AFAP1L2: variants seen among roughly 807,000 people sequenced by gnomAD.
The protein encoded by AFAP1L2 is actin filament associated protein 1 like 2.
A neutral mutation model predicts 99.3 loss-of-function variants in AFAP1L2; 46 were observed. The observed-to-expected ratio is 0.46, with a 90% CI of 0.37 to 0.59. The LOEUF is 0.59. Ranked by LOEUF, AFAP1L2 falls within the 20% of genes least tolerant of loss-of-function variation. The pLI is 0.00. For synonymous variants in AFAP1L2, 397 were observed against 419.1 expected (o/e 0.95, Z 0.64); for missense variants, 959 against 1,034.9 (o/e 0.93, Z 1.01).
intron 1 of AFAP1L2, among the ~76,000 whole-genome samples, chr10:114,397,842 C>T (rs2057874234): frequency 6.6e-6 from 1 of 152,142 alleles, no homozygotes; most frequent in Non-Finnish European, 1.5e-5. Context: ...TACAAGCTCA[C>T]CACAGTCCAC....
chr10:114,296,934 G>C (rs1429759585), intron 18 of AFAP1L2, 44 bp downstream of exon 18: 1 of 1,613,562 alleles, frequency 6.2e-7, no homozygotes, highest in Admixed American at 1.7e-5. Flanking sequence ...CTACCTTAGT[G>C]ACATTTCTGC....
the AFAP1L2 span, chr10:114,289,585 A>T: frequency 2.1e-6 from 3 of 1,417,850 alleles, no homozygotes; most frequent in South Asian, 3.7e-5. Flanking sequence ...AGCTCTTCCC[A>T]GCTACTGAGC....
chr10:114,310,772 G>A (rs1734796113), intron 7 of AFAP1L2, among the ~76,000 whole-genome samples: 1 of 152,008 alleles, frequency 6.6e-6, no homozygotes. Flanking sequence ...CCCCTTTCCT[G>A]CCACCATTCC....
At chr10:114,292,011 C>T (rs1379889416), downstream of AFAP1L2, among the ~76,000 whole-genome samples, 2 of 152,132 alleles carry the variant, frequency 1.3e-5, no homozygotes, top group African/African-American at 4.8e-5. Flanking sequence ...GAGACTGTGG[C>T]TCATGCCTGT....
At position 114,368,964 on chromosome 10, in the gene AFAP1L2, A is replaced by G. The variant is rs538509323; in HGVS notation, c.17-28233T>C. Among the ~76,000 whole-genome samples, 26 of 149,838 alleles carry G rather than the reference A, an allele frequency of 1.7e-4. No homozygotes were observed. In the South Asian group the frequency reaches 5.0e-3, roughly 29 times the overall value. ...TTATGTCTCAATAAAGCTAGGGGGG[A>G]AAAGATTGCACCTGCCCTCAAGGAG... On this transcript the variant is annotated intron_variant, in intron 1 of 18. Transcript: ENST00000304129.
chr10:114,356,166 T>C (rs1419520267), intron 1 of AFAP1L2, among the ~76,000 whole-genome samples: 1 of 152,206 alleles, frequency 6.6e-6, no homozygotes, highest in African/African-American at 2.4e-5. Context: ...AAATTCAGTG[T>C]ATTTTGGAAC....
chr10:114,340,736 G>A lies in AFAP1L2; in HGVS notation c.17-5C>T, dbSNP rs768636790. 1.7e-5 allele frequency: 28 copies of A among 1,614,156 alleles called. No individual in the cohort carries two copies. In the East Asian group the frequency reaches 4.7e-4, roughly 27 times the overall value. ...CTGTCAGCAGCTGTTCCAGGGCTAGGGACAGGAAACAGAAGAAACTTATAG... is the reference window on the plus strand; with the variant it reads ...CTGTCAGCAGCTGTTCCAGGGCTAGAGACAGGAAACAGAAGAAACTTATAG... On this transcript the variant is annotated splice_polypyrimidine_tract_variant and splice_region_variant and intron_variant, in intron 1 of 18. Transcript: ENST00000304129.
At chr10:114,346,762 G>C (rs1295918228) in intron 1 of AFAP1L2, among the ~76,000 whole-genome samples, 3 of 152,202 alleles carry the variant, frequency 2.0e-5, no homozygotes, top group Admixed American at 2.0e-4. Context: ...TTAAAGTTCA[G>C]GGTTGTCTGC....
chr10:114,308,716 A>C (rs1159766037), intron 8 of AFAP1L2, among the ~76,000 whole-genome samples, 199 bp from the exon 9 acceptor site: 1 of 152,206 alleles, frequency 6.6e-6, no homozygotes, highest in Non-Finnish European at 1.5e-5. Flanking sequence ...GCTCAACCTG[A>C]TGTGACAGTG....
At chr10:114,372,157 C>T (rs1291215702) in intron 1 of AFAP1L2, among the ~76,000 whole-genome samples, 3 of 152,150 alleles carry the variant, frequency 2.0e-5, no homozygotes, top group Non-Finnish European at 1.5e-5. Flanking sequence ...TGCTCTAAAT[C>T]GTTTTGTGGA....
intron 18 of AFAP1L2, 112 bp from the exon 19 acceptor site, chr10:114,296,180 A>C (rs1016076398): frequency 3.5e-5 from 51 of 1,438,826 alleles, no homozygotes; most frequent in Non-Finnish European, 4.7e-5. Flanking sequence ...TATTTTAGGC[A>C]CAGAGGTGAT....
rs1416583797 is a variant in AFAP1L2, at chr10:114,301,610, A to G, written c.1431-145T>C. ...TGGGGGCTGACACTCACCTCCATGG[A>G]TCTGAGGGCACCTCCTCCCTCTTTT... On this transcript the variant is annotated intron_variant, in intron 12 of 18. Transcript: ENST00000304129. The G allele has an allele frequency of 4.8e-6, 3 of 619,544 alleles. No homozygotes were observed. In the African/African-American group the frequency reaches 5.5e-5, roughly 11 times the overall value. 38.4% of individuals were successfully genotyped at this position (619,544 alleles called of 1,614,324 possible). A position where few individuals can be genotyped will look rare whatever the true frequency, so the allele number is the denominator to read the frequency against.
the AFAP1L2 span, chr10:114,289,462 G>T: frequency 5.0e-6 from 8 of 1,614,084 alleles, no homozygotes; most frequent in Non-Finnish European, 5.9e-6. Context: ...GTACCACCAG[G>T]ACGTGCTCAT....
At chr10:114,282,873 A>C in the AFAP1L2 span, among the ~76,000 whole-genome samples, 1 of 152,166 alleles carries the variant, frequency 6.6e-6, no homozygotes, top group Admixed American at 6.5e-5. Flanking sequence ...CCAGCACCAA[A>C]CTCAGGGCAA....
At position 114,300,376 on chromosome 10, in the gene AFAP1L2, C is replaced by T; in HGVS notation, c.1789-14G>A. On this transcript the variant is annotated splice_polypyrimidine_tract_variant and intron_variant, in intron 14 of 18. Transcript: ENST00000304129. ...ACTCTCCAGCTGCTTTGGGGGAAAG[C>T]AGACCTGACTCAGCTGGCTGAAGGG... 1 of 1,614,156 alleles carries T rather than the reference C, an allele frequency of 6.2e-7. No individual in the cohort carries two copies. Among genetic ancestry groups the T allele is most frequent in the Non-Finnish European group, 8.5e-7 (1 of 1,180,014 alleles).
chr10:114,313,959 T>C lies in AFAP1L2; in HGVS notation c.704A>G (p.Lys235Arg). The change falls in exon 7 of 19, where the codon AAG becomes AGG. Residue 235 changes from lysine to arginine, a missense_variant. Around this residue, in one of 2 missense-constraint regions of AFAP1L2, gnomAD observed 383 missense variants for 472.8 expected, o/e 0.81. Transcript: ENST00000304129. ...CGGCGTGATCTTCAGCTTGTGCTCC[T>C]TCTTCCGCACTTGCTTCTCCTTGTG... ...VIHKEKQVRK[K>R]EHKLKITPMN... 5.6e-6 allele frequency: 9 copies of C among 1,614,048 alleles called. No homozygotes were observed. The highest frequency in any genetic ancestry group is 7.6e-6 in the Non-Finnish European group (9 of 1,179,980).
intron 1 of AFAP1L2, among the ~76,000 whole-genome samples, chr10:114,349,310 G>A (rs1240141732): frequency 1.2e-4 from 18 of 150,332 alleles, no homozygotes; most frequent in African/African-American, 3.9e-4. Flanking sequence ...CCCAGGAGGC[G>A]GAGTTTGCAG....
intron 5 of AFAP1L2, among the ~76,000 whole-genome samples, chr10:114,317,693 TA>T (rs1256008104): frequency 6.6e-6 from 1 of 151,844 alleles, no homozygotes; most frequent in African/African-American, 2.4e-5. Context: ...ACCCCATCTC[TA>T]AAAAAAATAC....
intron 1 of AFAP1L2, among the ~76,000 whole-genome samples, chr10:114,385,434 G>A (rs1414405893): frequency 6.6e-6 from 1 of 152,096 alleles, no homozygotes; most frequent in Admixed American, 6.5e-5. Flanking sequence ...TGCAGGTCAG[G>A]GTCGAAGCCA....
Sources: gnomAD v4.1 joint callset for allele counts (sites outside exome capture counted in the v4.1 genomes callset) on GRCh38, gnomAD v4.1.1 for gene constraint, gnomAD v4.1.1 regional missense constraint, MANE v1.5 for transcripts, NCBI Gene and HGNC (gene_info 2026-07-23, HGNC 2026-07-21) for gene names.